Variants in RAPH1 observed in about 807,000 individuals in gnomAD.
RAPH1 encodes Ras association (RalGDS/AF-6) and pleckstrin homology domains 1.
A neutral mutation model predicts 88.1 loss-of-function variants in RAPH1; 18 were observed. The ratio of observed to expected loss-of-function variants is 0.20; its 90% CI spans 0.14 to 0.30. The LOEUF (loss-of-function observed/expected upper bound fraction) is 0.30, where lower values mean the gene tolerates loss of function less well. Ranked by LOEUF, RAPH1 falls within the 10% of genes least tolerant of loss-of-function variation. The pLI is 1.00. For synonymous variants in RAPH1, 587 were observed against 559.0 expected (o/e 1.05, Z -0.71); for missense variants, 1,448 against 1,543.2 (o/e 0.94, Z 1.03).
intron 4 of RAPH1, among the ~76,000 whole-genome samples, chr2:203,462,914 T>G (rs944780900): frequency 6.6e-6 from 1 of 152,058 alleles, no homozygotes; most frequent in African/African-American, 2.4e-5. Flanking sequence ...AAATAAAAAC[T>G]TTTTGGTTGG....
Position 203,506,894 on chromosome 2 carries a change from A to ATT in RAPH1, c.1-11542_1-11541insAA, listed in dbSNP as rs1183138481. On this transcript the variant is annotated intron_variant, in intron 1 of 13. Transcript: ENST00000319170. Reference sequence around the variant, plus strand: ...TATATATATATAGATATATATATATATATATTTTTTTTTTTTTTGAGATGA... The same window carrying ATT: ...TATATATATATAGATATATATATATATTTATATTTTTTTTTTTTTTGAGATGA... 4.2e-3 allele frequency among the ~76,000 whole-genome samples: 421 copies of ATT among 101,256 alleles called. 41 individuals carry two copies. Among genetic ancestry groups the ATT allele is most frequent in the African/African-American group, 0.022 (402 of 18,202 alleles). The allele number at this position is 101,256 out of a possible 152,430, so 66.4% of individuals were successfully genotyped here. A position where few individuals can be genotyped will look rare whatever the true frequency, so the allele number is the denominator to read the frequency against.
At chr2:203,476,375 T>C (rs1687449344) in intron 4 of RAPH1, among the ~76,000 whole-genome samples, 1 of 152,168 alleles carries the variant, frequency 6.6e-6, no homozygotes, top group Non-Finnish European at 1.5e-5. Context: ...TTCGTCATGT[T>C]GGCCAGGCTG....
At chr2:203,515,304 C>T (rs1689548404) in intron 1 of RAPH1, among the ~76,000 whole-genome samples, 1 of 152,152 alleles carries the variant, frequency 6.6e-6, no homozygotes, top group South Asian at 2.1e-4. Flanking sequence ...ATTGCAAGTT[C>T]TGTTTGACGG....
intron 8 of RAPH1, among the ~76,000 whole-genome samples, chr2:203,455,946 T>G (rs777486066): frequency 1.0e-3 from 159 of 151,766 alleles, no homozygotes; most frequent in Non-Finnish European, 1.5e-3. Context: ...GAGGCGGAGA[T>G]TGCAGTGAGC....
At position 203,498,209 on chromosome 2, in the gene RAPH1, C is replaced by A. The variant is rs1688598141; in HGVS notation, c.1-2856G>T. Among the ~76,000 whole-genome samples, 4 of 152,228 alleles carry A rather than the reference C, an allele frequency of 2.6e-5. No homozygotes were observed. The South Asian group carries it at 8.3e-4, about 32-fold the overall frequency. On this transcript the variant is annotated intron_variant, in intron 1 of 13. Coordinates refer to ENST00000319170, the MANE Select transcript of RAPH1 (RefSeq NM_213589.3). Reference sequence around the variant, plus strand: ...CTGCAGCACTGTTGTCCAACAGATACCATTATGTCACTATTGGCAGAAACA... The same window carrying A: ...CTGCAGCACTGTTGTCCAACAGATAACATTATGTCACTATTGGCAGAAACA...
At position 203,441,070 on chromosome 2, in the gene RAPH1, C is replaced by T. The variant is rs2098503385; in HGVS notation, c.2120G>A (p.Gly707Glu). The T allele has an allele frequency of 5.2e-6, 8 of 1,551,414 alleles. No homozygotes were observed. Among genetic ancestry groups the T allele is most frequent in the Non-Finnish European group, 7.0e-6 (8 of 1,139,958 alleles). ...AGGGGGAGGGGGTGGTGGAACAACT[C>T]CATTGGGGGGTACCAGGATCTGAGG... ...VKPQILVPPN[G>E]VVPPPPPPPP... The change falls in exon 14 of 14, where the codon GGA becomes GAA. Residue 707 changes from glycine to glutamate, a missense_variant. Physicochemically the swap from Gly to Glu is moderately conservative, Grantham distance 98. This residue lies in a region of RAPH1 where 935 missense variants were observed against 890.1 expected (regional missense o/e 1.05). Coordinates refer to ENST00000319170, the MANE Select transcript of RAPH1 (RefSeq NM_213589.3).
At chr2:203,465,633 A>C (rs2098527883) in intron 4 of RAPH1, among the ~76,000 whole-genome samples, 2 of 152,228 alleles carry the variant, frequency 1.3e-5, no homozygotes, top group Non-Finnish European at 2.9e-5. Flanking sequence ...CATGCCTGTA[A>C]TCCCAGCACT....
rs545689697 is a variant in RAPH1, at chr2:203,516,741, A to G, written c.-1+18370T>C. Among the ~76,000 whole-genome samples the G allele has an allele frequency of 1.5e-4, 23 of 151,858 alleles. No individual in the cohort carries two copies. The South Asian group carries it at 4.6e-3, about 30-fold the overall frequency. The stretch of plus-strand genomic sequence containing the variant: ...AGTGAGACTATGTCTCAAAAAAAGA[A>G]AAAGAAAAAAGGCCAGGCGCAGTGA... On this transcript the variant is annotated intron_variant, in intron 1 of 13. Coordinates refer to ENST00000319170, the MANE Select transcript of RAPH1 (RefSeq NM_213589.3).
chr2:203,534,391 G>A (rs1465023803), intron 1 of RAPH1, among the ~76,000 whole-genome samples: 2 of 151,818 alleles, frequency 1.3e-5, no homozygotes, highest in African/African-American at 4.8e-5. Flanking sequence ...GGTTTATGCG[G>A]TTTCCAGCTC....
At chr2:203,470,950 A>G (rs2098532506) in intron 4 of RAPH1, among the ~76,000 whole-genome samples, 1 of 152,250 alleles carries the variant, frequency 6.6e-6, no homozygotes, top group Non-Finnish European at 1.5e-5. Context: ...GAATGACATG[A>G]ACAAAATATT....
intron 4 of RAPH1, among the ~76,000 whole-genome samples, chr2:203,488,588 TAAAAAA>T (rs750783858): frequency 1.6e-4 from 6 of 36,648 alleles, no homozygotes; most frequent in Admixed American, 1.3e-3. Context: ...CTCCGTCTAT[TAAAAAA>T]AAAAAAAAAA....
At chr2:203,449,014 G>A (rs1456410917) in intron 10 of RAPH1, among the ~76,000 whole-genome samples, 178 bp from the exon 11 acceptor site, 3 of 152,182 alleles carry the variant, frequency 2.0e-5, no homozygotes. Context: ...TTTTTACAAA[G>A]TAAATGAGAA....
chr2:203,493,130 C>T (rs1212027452), intron 2 of RAPH1, among the ~76,000 whole-genome samples: 1 of 152,192 alleles, frequency 6.6e-6, no homozygotes, highest in Non-Finnish European at 1.5e-5. Flanking sequence ...AACATATTAG[C>T]AGTGAGTCAC....
In RAPH1 at chr2:203,457,674, C is replaced by T. The variant is rs185667233; in HGVS notation, c.1093-79G>A. 237 of 1,019,682 alleles carry T rather than the reference C, an allele frequency of 2.3e-4. 1 individual carries two copies. In the East Asian group the frequency reaches 4.0e-3, roughly 17 times the overall value. The allele number at this position is 1,019,682 out of a possible 1,614,324, so 63.2% of individuals were successfully genotyped here. A position where few individuals can be genotyped will look rare whatever the true frequency, so the allele number is the denominator to read the frequency against. On this transcript the variant is annotated intron_variant, in intron 7 of 13. Transcript: ENST00000319170. ...AAGCATAAATCCATTCTGTTATTCC[C>T]TTGGCACAGGTGTGTGTATGTTTTC... is the stretch of plus-strand genomic sequence containing the variant.
chr2:203,503,634 TTTCAAA>T (rs1295927612), intron 1 of RAPH1, among the ~76,000 whole-genome samples: 1 of 152,118 alleles, frequency 6.6e-6, no homozygotes, highest in African/African-American at 2.4e-5. Context: ...TGTCCTCACA[TTTCAAA>T]ACCAATCATG....
intron 4 of RAPH1, among the ~76,000 whole-genome samples, chr2:203,485,930 A>G (rs187921966): frequency 8.5e-5 from 13 of 152,252 alleles, no homozygotes; most frequent in South Asian, 6.2e-4. Context: ...GGATTTGATG[A>G]AAGTTCATAG....
chr2:203,444,033 A>AAAGGAAGGGAAGGAAGGGAGAG (rs1474543953), intron 13 of RAPH1: 6 of 135,708 alleles, frequency 4.4e-5, no homozygotes, highest in Non-Finnish European at 6.4e-5. Context: ...AGAAGGAAGG[A>AAAGGAAGGGAAGGAAGGGAGAG]AAGGAAGGGA....
chr2:203,506,860 A>ATCTATATC, intron 1 of RAPH1, among the ~76,000 whole-genome samples: 1 of 78,928 alleles, frequency 1.3e-5, no homozygotes, highest in South Asian at 3.5e-4. Context: ...CTATATCTAT[A>ATCTATATC]TATATATATA....
At chr2:203,461,086 A>G (rs531423454) in intron 6 of RAPH1, among the ~76,000 whole-genome samples, 163 bp downstream of exon 6, 23 of 152,230 alleles carry the variant, frequency 1.5e-4, no homozygotes, top group African/African-American at 5.5e-4. Flanking sequence ...ATTGCACTTC[A>G]GTCTAGGTGA....
Sources: allele counts gnomAD v4.1 joint callset (sites outside exome capture counted in the v4.1 genomes callset), GRCh38; gene constraint gnomAD v4.1.1; regional missense constraint gnomAD v4.1.1; transcripts MANE v1.5; gene names NCBI Gene and HGNC (gene_info 2026-07-23, HGNC 2026-07-21).